Variants in LACC1 observed in about 807,000 individuals in gnomAD.
LACC1 encodes the protein purine nucleoside phosphorylase LACC1.
LACC1 carries 25 observed loss-of-function variants against 34.8 expected under a neutral mutation model. That is an observed-to-expected ratio of 0.72 (90% confidence interval 0.52 to 1.00). The LOEUF is 1.00. LACC1 is among the 50% of genes least tolerant of loss of function. LACC1 has a pLI of 0.00. For missense variants in LACC1, 426 were observed against 511.2 expected (o/e 0.83, Z 1.61); for synonymous variants, 162 against 168.0 (o/e 0.96, Z 0.28).
rs1443840076 is a variant in LACC1 at position 43,892,464 on chromosome 13, A to C, written c.*1017A>C. On this transcript the variant is annotated 3_prime_UTR_variant, in exon 7 of 7. Transcript: ENST00000325686. ...TGGAAAAGTCATTAATGACTCTAAGATTTCTGCTTGGCTGCTTACCAAGAT... is the reference window on the plus strand; with the variant it reads ...TGGAAAAGTCATTAATGACTCTAAGCTTTCTGCTTGGCTGCTTACCAAGAT... 6.6e-6 allele frequency: 1 copy of C among 152,070 alleles called. No homozygotes were observed. The highest frequency in any genetic ancestry group is 2.4e-5 in the African/African-American group (1 of 41,404). 9.4% of individuals were successfully genotyped at this position (152,070 alleles called of 1,614,324 possible). A position where few individuals can be genotyped will look rare whatever the true frequency, so the allele number is the denominator to read the frequency against.
chr13:43,883,361 T>C (rs1435534852), intron 3 of LACC1, among the ~76,000 whole-genome samples: 1 of 152,244 alleles, frequency 6.6e-6, no homozygotes, highest in Non-Finnish European at 1.5e-5. Context: ...AGATAATGTC[T>C]TGTTCCTTAC....
At position 43,892,331 on chromosome 13, in the gene LACC1, G is replaced by A. The variant is rs1030578022; in HGVS notation, c.*884G>A. 18 of 151,878 alleles carry A rather than the reference G, an allele frequency of 1.2e-4. No individual in the cohort carries two copies. The highest frequency in any genetic ancestry group is 5.9e-5 in the Non-Finnish European group (4 of 67,932). The allele number at this position is 151,878 out of a possible 1,614,324, so 9.4% of individuals were successfully genotyped here. A position where few individuals can be genotyped will look rare whatever the true frequency, so the allele number is the denominator to read the frequency against. On this transcript the variant is annotated 3_prime_UTR_variant, in exon 7 of 7. Coordinates refer to ENST00000325686, the MANE Select transcript of LACC1 (RefSeq NM_153218.4). ...AAGAAATAATGAAGATCCAATGAAG[G>A]AAGTGGAAATTAAAATAGGGAAGAG...
At chr13:43,888,639 AT>A in intron 4 of LACC1, 117 bp from the exon 5 acceptor site, 1 of 761,166 alleles carries the variant, frequency 1.3e-6, no homozygotes. Context: ...GTAATTTATT[AT>A]TTCTGGACTT....
chr13:43,887,557 T>C (rs971426303), intron 4 of LACC1, among the ~76,000 whole-genome samples: 6 of 152,148 alleles, frequency 3.9e-5, no homozygotes, highest in Non-Finnish European at 7.4e-5. Flanking sequence ...AAGGGAACGA[T>C]AGTCTGGGCA....
At position 43,881,562 on chromosome 13, in the gene LACC1, A is replaced by G; in HGVS notation, c.562+15A>G. The G allele has an allele frequency of 1.3e-6, 2 of 1,546,592 alleles. No homozygotes were observed. The highest frequency in any genetic ancestry group is 8.7e-7 in the Non-Finnish European group (1 of 1,145,010). ...TTTGATCCCAGGTATATTAACCACT[A>G]ACTGTTGTTTTTACTTTGTACATGG... On this transcript the variant is annotated intron_variant, in intron 2 of 6. Coordinates refer to ENST00000325686, the MANE Select transcript of LACC1 (RefSeq NM_153218.4).
chr13:43,885,656 A>C (rs1419949101), intron 4 of LACC1, among the ~76,000 whole-genome samples: 1 of 152,222 alleles, frequency 6.6e-6, no homozygotes, highest in Non-Finnish European at 1.5e-5. Flanking sequence ...TTAAAACCCT[A>C]GGAGGAAACC....
At position 43,881,138 on chromosome 13, in the gene LACC1, C is replaced by T. The variant is rs1285543315; in HGVS notation, c.153C>T (p.Ser51=). 2 of 1,614,104 alleles carry T rather than the reference C, an allele frequency of 1.2e-6. No homozygotes were observed. Among genetic ancestry groups the T allele is most frequent in the East Asian group, 2.2e-5 (1 of 44,864 alleles). The change falls in exon 2 of 7, where the codon AGC becomes AGT. Residue 51 remains serine, a synonymous_variant. Transcript: ENST00000325686. ...GTATAATGTGTTGCAGTAACATCAGCTATGAAAGGGATGGAGAACAAGATA... is the reference window on the plus strand; with the variant it reads ...GTATAATGTGTTGCAGTAACATCAGTTATGAAAGGGATGGAGAACAAGATA... ...FLCIMCCSNI[S]YERDGEQDNC... is the part of the protein sequence containing the mutation.
chr13:43,882,684 G>T (rs1181354514), intron 3 of LACC1, among the ~76,000 whole-genome samples: 1 of 151,226 alleles, frequency 6.6e-6, no homozygotes, highest in Non-Finnish European at 1.5e-5. Context: ...TTTACCATAG[G>T]CTAATTGATA....
At chr13:43,887,817 T>C (rs1315456520) in intron 4 of LACC1, among the ~76,000 whole-genome samples, 1 of 152,156 alleles carries the variant, frequency 6.6e-6, no homozygotes, top group Non-Finnish European at 1.5e-5. Flanking sequence ...GTTGAGGATA[T>C]GGAGAAGTTG....
chr13:43,887,310 T>C (rs1955377798), intron 4 of LACC1, among the ~76,000 whole-genome samples: 1 of 152,152 alleles, frequency 6.6e-6, no homozygotes, highest in Non-Finnish European at 1.5e-5. Context: ...TAAAAATTGA[T>C]CCCTTCACCT....
At chr13:43,890,044 T>C (rs1955503024) in intron 5 of LACC1, 70 bp from the exon 6 acceptor site, 1 of 1,363,408 alleles carries the variant, frequency 7.3e-7, no homozygotes, top group African/African-American at 1.5e-5. Flanking sequence ...ACATCCATAC[T>C]TTTTTTCATA....
intron 5 of LACC1, among the ~76,000 whole-genome samples, chr13:43,889,261 T>A (rs1360131317): frequency 6.6e-6 from 1 of 152,182 alleles, no homozygotes; most frequent in African/African-American, 2.4e-5. Flanking sequence ...AAACTTCATA[T>A]AGAAAAGTTG....
At chr13:43,891,299 C>A in intron 6 of LACC1, 150 bp from the exon 7 acceptor site, 1 of 205,364 alleles carries the variant, frequency 4.9e-6, no homozygotes, top group Non-Finnish European at 8.6e-6. Flanking sequence ...CCTAAGGTTA[C>A]TTCTAGCTGA....
At chr13:43,886,449 C>T (rs1955329599) in intron 4 of LACC1, among the ~76,000 whole-genome samples, 2 of 152,092 alleles carry the variant, frequency 1.3e-5, no homozygotes, top group African/African-American at 4.8e-5. Context: ...AAATCATATC[C>T]TTACAGCAAC....
chr13:43,890,305 T>C, intron 6 of LACC1, 31 bp downstream of exon 6: 2 of 1,569,884 alleles, frequency 1.3e-6, no homozygotes, highest in Non-Finnish European at 1.7e-6. Flanking sequence ...TCTCTCCGTT[T>C]TTCCTCTCTT....
chr13:43,893,874 A>G lies in LACC1; in HGVS notation c.*2427A>G, dbSNP rs892301641. The G allele has an allele frequency of 4.6e-5, 7 of 152,082 alleles. No homozygotes were observed. The highest frequency in any genetic ancestry group is 3.9e-4 in the Admixed American group (6 of 15,270). The allele number at this position is 152,082 out of a possible 1,614,324, so 9.4% of individuals were successfully genotyped here. A position where few individuals can be genotyped will look rare whatever the true frequency, so the allele number is the denominator to read the frequency against. ...TAAATTTGGAGTATCCTGCAGACAC[A>G]TTTTGCTTTATGTACTACAACATTC... On this transcript the variant is annotated 3_prime_UTR_variant, in exon 7 of 7. Transcript: ENST00000325686.
In LACC1 at chr13:43,886,738, A is replaced by C. The variant is rs187318716; in HGVS notation, c.908-2019A>C. Among the ~76,000 whole-genome samples, 8 of 152,280 alleles carry C rather than the reference A, an allele frequency of 5.3e-5. No homozygotes were observed. In the East Asian group the frequency reaches 1.5e-3, roughly 29 times the overall value. Reference sequence around the variant, plus strand: ...CCATGTAACAAACCTGCATATATGTACCCCGAACCTAAAAAGTTGGAAGAA... The same window carrying C: ...CCATGTAACAAACCTGCATATATGTCCCCCGAACCTAAAAAGTTGGAAGAA... On this transcript the variant is annotated intron_variant, in intron 4 of 6. Coordinates refer to ENST00000325686, the MANE Select transcript of LACC1 (RefSeq NM_153218.4).
intron 6 of LACC1, among the ~76,000 whole-genome samples, chr13:43,890,529 G>T (rs1479428151): frequency 6.6e-6 from 1 of 152,060 alleles, no homozygotes; most frequent in African/African-American, 2.4e-5. Flanking sequence ...CCTTTTCCTA[G>T]TTAATGAAGA....
intron 4 of LACC1, among the ~76,000 whole-genome samples, chr13:43,887,301 A>G (rs893411959): frequency 2.0e-5 from 3 of 152,146 alleles, no homozygotes; most frequent in Non-Finnish European, 4.4e-5. Context: ...TTTTATCTGT[A>G]AAAATTGATC....
Sources: allele counts gnomAD v4.1 joint callset (sites outside exome capture counted in the v4.1 genomes callset), GRCh38; gene constraint gnomAD v4.1.1; transcripts MANE v1.5; gene names NCBI Gene and HGNC (gene_info 2026-07-23, HGNC 2026-07-21).